The following ULK4 variants were observed in gnomAD, a reference collection of about 807,000 sequenced individuals.
ULK4 encodes unc-51 like kinase 4, also known as inactive serine/threonine-protein kinase ULK4.
Under a neutral mutation model 160.6 loss-of-function variants are expected in ULK4, and 133 were observed. The ratio of observed to expected loss-of-function variants is 0.83; its 90% CI spans 0.72 to 0.96. The LOEUF is 0.96. Ranked by LOEUF, ULK4 falls within the 40% of genes least tolerant of loss-of-function variation. ULK4 has a pLI of 0.00. For missense variants in ULK4, 1,580 were observed against 1,499.5 expected, an observed-to-expected ratio of 1.05 and a Z score of -0.89; for synonymous variants, 534 against 539.8, an observed-to-expected ratio of 0.99 and a Z score of 0.15.
At chr3:41,406,780 A>G (rs1401808592) in intron 34 of ULK4, among the ~76,000 whole-genome samples, 3 of 152,180 alleles carry the variant, frequency 2.0e-5, no homozygotes, top group Admixed American at 6.5e-5. Flanking sequence ...TTTCCCTGGC[A>G]TAACAGGGAA....
Position 41,881,752 on chromosome 3 carries a change from C to A in ULK4, c.1656+2122G>T, listed in dbSNP as rs114027238. ...CTTGCATTTCGAACTAATAAAGCAT[C>A]AGCAAATACCCATGAAGAGAACAGT... On this transcript the variant is annotated intron_variant, in intron 17 of 36. Transcript: ENST00000301831. Among the ~76,000 whole-genome samples, 994 of 152,136 alleles carry A rather than the reference C, an allele frequency of 6.5e-3. 9 individuals carry two copies. The highest frequency in any genetic ancestry group is 0.023 in the African/African-American group (960 of 41,486).
chr3:41,541,706 A>G (rs1036567125), intron 32 of ULK4, among the ~76,000 whole-genome samples: 44 of 152,122 alleles, frequency 2.9e-4, no homozygotes, highest in African/African-American at 1.1e-3. Context: ...CACCACCTTG[A>G]GCAGTGGTTT....
intron 22 of ULK4, among the ~76,000 whole-genome samples, chr3:41,749,203 C>T (rs1241412272): frequency 2.0e-5 from 3 of 152,198 alleles, no homozygotes; most frequent in Admixed American, 2.0e-4. Context: ...GCTTTGTGGG[C>T]AGGGAGCGGT....
intron 32 of ULK4, among the ~76,000 whole-genome samples, chr3:41,466,221 T>C (rs563866745): frequency 1.3e-5 from 2 of 152,278 alleles, no homozygotes; most frequent in African/African-American, 4.8e-5. Flanking sequence ...GGAGCCCTGG[T>C]TTCATTCAAT....
chr3:41,660,758 C>A (rs2035125313), intron 30 of ULK4, among the ~76,000 whole-genome samples: 1 of 152,086 alleles, frequency 6.6e-6, no homozygotes, highest in East Asian at 1.9e-4. Context: ...CGCTGTTTTT[C>A]AAGAAAAGCC....
At chr3:41,563,376 C>T (rs1223030660) in intron 32 of ULK4, among the ~76,000 whole-genome samples, 1 of 152,042 alleles carries the variant, frequency 6.6e-6, no homozygotes, top group Non-Finnish European at 1.5e-5. Flanking sequence ...GTGGTGTTCT[C>T]TGTATTTCCT....
At chr3:41,272,827 G>C (rs749135001) in intron 35 of ULK4, among the ~76,000 whole-genome samples, 62 of 152,188 alleles carry the variant, frequency 4.1e-4, no homozygotes, top group South Asian at 2.1e-4. Context: ...TTCACACTCA[G>C]TAATTTTTCT....
chr3:41,752,721 C>T (rs2038673142), intron 22 of ULK4, among the ~76,000 whole-genome samples: 1 of 152,146 alleles, frequency 6.6e-6, no homozygotes, highest in Non-Finnish European at 1.5e-5. Context: ...AGACAAAACA[C>T]ATTAAATCAC....
chr3:41,398,254 T>C lies in ULK4; in HGVS notation c.3503A>G (p.Glu1168Gly), dbSNP rs375995710. Residue 1168 changes from glutamate to glycine, a missense_variant, in exon 35 of 37, where the codon GAA becomes GGA. Transcript: ENST00000301831. ...ISLLIPLLPN[E>G]DPEIFDVSSK... ...TGAAACATCAAAAATCTCAGGATCT[T>C]CATTAGGAAGCTGAAAATTAACAAA... 6.2e-6 allele frequency: 10 copies of C among 1,611,546 alleles called. No homozygotes were observed. In the African/African-American group the frequency reaches 1.3e-4, roughly 22 times the overall value.
At chr3:41,293,879 A>T (rs2079619420) in intron 35 of ULK4, among the ~76,000 whole-genome samples, 2 of 152,220 alleles carry the variant, frequency 1.3e-5, no homozygotes. Flanking sequence ...GTGACATTTC[A>T]TCTTGTGTCT....
Position 41,610,932 on chromosome 3 carries a change from A to C in ULK4, c.3120+4737T>G, listed in dbSNP as rs191756939. Reference sequence around the variant, plus strand: ...GCCAAAACATAAACCACGGAAATAAAATGAAGAAAGATTAGAGTTATAGCA... The same window carrying C: ...GCCAAAACATAAACCACGGAAATAACATGAAGAAAGATTAGAGTTATAGCA... On this transcript the variant is annotated intron_variant, in intron 31 of 36. Coordinates refer to ENST00000301831, the MANE Select transcript of ULK4 (RefSeq NM_017886.4). 3.4e-4 allele frequency among the ~76,000 whole-genome samples: 52 copies of C among 152,360 alleles called. 1 individual carries two copies. The highest frequency in any genetic ancestry group is 1.2e-3 in the African/African-American group (49 of 41,578).
In ULK4 at chr3:41,800,299, G is replaced by A. The variant is rs752162257; in HGVS notation, c.1849-6C>T. ...TGATTCACAACACGCTCTTCCTATA[G>A]AGAAAGGAGATTAAAATAATATTAG... On this transcript the variant is annotated splice_region_variant and splice_polypyrimidine_tract_variant and intron_variant, in intron 19 of 36. Coordinates refer to ENST00000301831, the MANE Select transcript of ULK4 (RefSeq NM_017886.4). 4.4e-6 allele frequency: 7 copies of A among 1,602,442 alleles called. No homozygotes were observed. Among genetic ancestry groups the A allele is most frequent in the South Asian group, 2.3e-5 (2 of 88,806 alleles).
chr3:41,717,911 A>G (rs1056943282), intron 22 of ULK4, 50 bp from the exon 23 acceptor site: 1 of 1,571,770 alleles, frequency 6.4e-7, no homozygotes. Context: ...AACACTTGAT[A>G]GCATCTATCC....
intron 31 of ULK4, among the ~76,000 whole-genome samples, chr3:41,586,522 G>A (rs569912834): frequency 3.9e-5 from 6 of 152,182 alleles, no homozygotes; most frequent in South Asian, 4.1e-4. Flanking sequence ...AATGTTTAAC[G>A]GAAACATAGT....
At chr3:41,724,806 T>C (rs1410978938) in intron 22 of ULK4, among the ~76,000 whole-genome samples, 1 of 152,232 alleles carries the variant, frequency 6.6e-6, no homozygotes, top group Non-Finnish European at 1.5e-5. Flanking sequence ...ACAGCCATTC[T>C]AGTGGGTATA....
chr3:41,306,701 G>A (rs1459946821), intron 35 of ULK4, among the ~76,000 whole-genome samples: 1 of 152,132 alleles, frequency 6.6e-6, no homozygotes, highest in Admixed American at 6.5e-5. Context: ...TTGTGGAATA[G>A]AAAAGGGGGA....
chr3:41,533,510 G>A (rs777947370), intron 32 of ULK4, among the ~76,000 whole-genome samples: 5 of 152,142 alleles, frequency 3.3e-5, no homozygotes, highest in Admixed American at 6.5e-5. Flanking sequence ...TTTGGGAAGC[G>A]TTTGAATTAG....
chr3:41,765,396 C>G (rs561602423), intron 21 of ULK4, among the ~76,000 whole-genome samples: 1 of 150,066 alleles, frequency 6.7e-6, no homozygotes, highest in African/African-American at 2.4e-5. Context: ...CATCACACAC[C>G]GGGGCCTGTC....
At chr3:41,370,463 C>A (rs1292370084) in intron 35 of ULK4, among the ~76,000 whole-genome samples, 1 of 152,170 alleles carries the variant, frequency 6.6e-6, no homozygotes, top group African/African-American at 2.4e-5. Flanking sequence ...GCTCATCTCA[C>A]TGGGACTGGT....
Sources: gnomAD v4.1 joint callset for allele counts (sites outside exome capture counted in the v4.1 genomes callset) on GRCh38, gnomAD v4.1.1 for gene constraint, MANE v1.5 for transcripts, NCBI Gene and HGNC (gene_info 2026-07-23, HGNC 2026-07-21) for gene names.